The following MUC5AC variants were observed in gnomAD, a reference collection of about 807,000 sequenced individuals.
MUC5AC encodes mucin 5AC, oligomeric mucus/gel-forming.
Under a neutral mutation model 169.7 loss-of-function variants are expected in MUC5AC, and 158 were observed. The observed-to-expected ratio is 0.93, with a 90% CI of 0.82 to 1.06. The LOEUF (loss-of-function observed/expected upper bound fraction) is 1.06, where lower values mean the gene tolerates loss of function less well. Ranked by LOEUF, MUC5AC falls within the 50% of genes least tolerant of loss-of-function variation. The pLI is 0.00. For synonymous variants in MUC5AC, 1,975 were observed against 1,237.0 expected (o/e 1.60, Z -12.52); for missense variants, 4,359 against 3,089.9 (o/e 1.41, Z -9.74).
chr11:1,170,788 TTCAC>T (rs1293822633), intron 15 of MUC5AC, among the ~76,000 whole-genome samples: 5 of 42,964 alleles, frequency 1.2e-4, no homozygotes, highest in Non-Finnish European at 1.9e-4. Context: ...CACTCACCTA[TTCAC>T]TCACTCACTC....
rs1860789134 is a variant in MUC5AC at position 1,180,429 on chromosome 11, C to A, written c.3689C>A (p.Thr1230Asn). 3 of 398,750 alleles carry A rather than the reference C, an allele frequency of 7.5e-6. No individual in the cohort carries two copies. Among genetic ancestry groups the A allele is most frequent in the Non-Finnish European group, 8.8e-6 (2 of 226,216 alleles). 24.7% of individuals were successfully genotyped at this position (398,750 alleles called of 1,614,324 possible). Residue 1230 changes from threonine (T) to asparagine (N), a missense_variant, in exon 28 of 49, where the codon ACC (threonine) becomes AAC (asparagine). Physicochemically the swap from Thr to Asn is moderately conservative, Grantham distance 65. Coordinates refer to ENST00000621226, the MANE Select transcript of MUC5AC (RefSeq NM_001304359.2). ...DKMQCVATCP[T>N]PPLPPRCHVH... The stretch of plus-strand genomic sequence containing the variant: ...ATGCAGTGTGTGGCCACCTGCCCAA[C>A]CCCGCCTCTGCCACCACGGTGCCAC...
intron 3 of MUC5AC, 84 bp downstream of exon 3, chr11:1,161,670 AG>A: frequency 6.8e-7 from 1 of 1,470,086 alleles, no homozygotes; most frequent in Non-Finnish European, 9.2e-7. Context: ...CCGGGTGGAG[AG>A]GGGCCCCAGC....
intron 26 of MUC5AC, 101 bp downstream of exon 26, chr11:1,179,349 A>T: frequency 2.1e-6 from 1 of 467,866 alleles, no homozygotes; most frequent in South Asian, 4.5e-5. Context: ...CGGGTGGGGA[A>T]GGTTTCCAAA....
Position 1,200,514 on chromosome 11 carries a change from A to G in MUC5AC, c.16777A>G (p.Thr5593Ala), listed in dbSNP as rs1333730341. 1.3e-6 allele frequency: 1 copy of G among 757,952 alleles called. No individual in the cohort carries two copies. Among genetic ancestry groups the G allele is most frequent in the Non-Finnish European group, 2.4e-6 (1 of 414,758 alleles). 47.0% of individuals were successfully genotyped at this position (757,952 alleles called of 1,614,324 possible). The change falls in exon 49 of 49, where the codon ACC becomes GCC. Residue 5593 changes from threonine to alanine, a missense_variant. Transcript: ENST00000621226. ...QELRTSLRNV[T>A]LHCTDGSSRA... The stretch of plus-strand genomic sequence containing the variant: ...GCTGCGGACCTCGCTGAGGAATGTG[A>G]CCCTGCACTGCACCGACGGCTCCAG...
intron 35 of MUC5AC, 24 bp from the exon 36 acceptor site, chr11:1,194,988 C>T: frequency 1.4e-6 from 1 of 706,582 alleles, no homozygotes; most frequent in South Asian, 1.5e-5. Context: ...GTCCAGCAGC[C>T]TGACCCCCAC....
At chr11:1,197,006 A>T (rs1299099443) in intron 40 of MUC5AC, 98 bp downstream of exon 40, 7 of 692,614 alleles carry the variant, frequency 1.0e-5, no homozygotes, top group African/African-American at 3.5e-5. Context: ...GGTGGGGCTC[A>T]GGGGTCGGGG....
rs983357014 is a variant in MUC5AC at position 1,176,646 on chromosome 11, C to T, written c.2635C>T (p.Arg879Trp). The change falls in exon 21 of 49, where the codon CGG becomes TGG. Residue 879 changes from arginine (R) to tryptophan (W), a missense_variant. Arg to Trp is a moderately radical substitution (Grantham distance 101). Coordinates refer to ENST00000621226, the MANE Select transcript of MUC5AC (RefSeq NM_001304359.2). ...EASYRAGQTI[R>W]VGCNTCTCDS... ...CAGCTACCGGGCCGGCCAGACCATC[C>T]GGGTGGGCTGCAACACCTGGTATGC... is the stretch of plus-strand genomic sequence containing the variant. The T allele has an allele frequency of 3.3e-5, 13 of 398,682 alleles. No individual in the cohort carries two copies. Among genetic ancestry groups the T allele is most frequent in the African/African-American group, 2.7e-4 (13 of 48,762 alleles). The allele number at this position is 398,682 out of a possible 1,614,324, so 24.7% of individuals were successfully genotyped here. A position where few individuals can be genotyped will look rare whatever the true frequency, so the allele number is the denominator to read the frequency against.
In MUC5AC at chr11:1,165,580, T is replaced by G. The variant is rs932720505; in HGVS notation, c.1248-42T>G. The G allele has an allele frequency of 5.6e-6, 9 of 1,608,016 alleles. No homozygotes were observed. The African/African-American group carries it at 9.4e-5, about 17-fold the overall frequency. On this transcript the variant is annotated intron_variant, in intron 10 of 48. Coordinates refer to ENST00000621226, the MANE Select transcript of MUC5AC (RefSeq NM_001304359.2). ...CTGACGCGGAGGCTGGAGGCTGGTC[T>G]CCTGGGGCCGGCACCCACGTGGCAC...
Position 1,196,641 on chromosome 11 carries a change from C to T in MUC5AC, c.15750C>T (p.Ile5250=). 1 of 762,746 alleles carries T rather than the reference C, an allele frequency of 1.3e-6. No individual in the cohort carries two copies. Among genetic ancestry groups the T allele is most frequent in the Middle Eastern group, 2.3e-4 (1 of 4,432 alleles). 47.2% of individuals were successfully genotyped at this position (762,746 alleles called of 1,614,324 possible). A position where few individuals can be genotyped will look rare whatever the true frequency, so the allele number is the denominator to read the frequency against. Residue 5250 remains isoleucine (I), a synonymous_variant, in exon 39 of 49, where the codon ATC becomes ATT. Transcript: ENST00000621226. ...SLGALPEAGP[I]TEGCFCPEGM... ...GGGCTCTGCCGGAGGCCGGCCCCAT[C>T]ACCGAAGGCTGCTTCTGTCCGGAGG... is the stretch of plus-strand genomic sequence containing the variant.
rs763699410 is a variant in MUC5AC at position 1,167,917 on chromosome 11, G to T, written c.1427G>T (p.Arg476Leu). Residue 476 changes from arginine (R) to leucine (L), a missense_variant, in exon 12 of 49, where the codon CGC becomes CTC. By Grantham distance (102) the Arg-to-Leu change is moderately radical. Transcript: ENST00000621226. ...GCCTTCACTGTACTGGCTGAGCTGC[G>T]CAGGTGCGGGCTGACGGACAGCGAG... ...SSAFTVLAEL[R>L]RCGLTDSETC... is the part of the protein sequence containing the mutation. The T allele has an allele frequency of 1.9e-6, 3 of 1,550,636 alleles. No individual in the cohort carries two copies. The highest frequency in any genetic ancestry group is 2.6e-6 in the Non-Finnish European group (3 of 1,147,172).
In MUC5AC at chr11:1,183,016, G is replaced by T; in HGVS notation, c.4871G>T (p.Cys1624Phe). ...TGTGAAAGTCCTCGAAGCGTGCAGT[G>T]CCGGGCAGAGAGCTTCCCCAACACG... Reference protein sequence around the residue: ...TFCESPRSVQCRAESFPNTPL... With the variant: ...TFCESPRSVQFRAESFPNTPL... Residue 1624 changes from cysteine to phenylalanine, a missense_variant, in exon 31 of 49, where the codon TGC becomes TTC. Transcript: ENST00000621226. 2.5e-6 allele frequency: 1 copy of T among 394,526 alleles called. No homozygotes were observed. Among genetic ancestry groups the T allele is most frequent in the Non-Finnish European group, 4.4e-6 (1 of 224,992 alleles). 24.4% of individuals were successfully genotyped at this position (394,526 alleles called of 1,614,324 possible).
At chr11:1,162,760 TC>T in intron 5 of MUC5AC, 114 bp downstream of exon 5, 1 of 1,081,338 alleles carries the variant, frequency 9.2e-7, no homozygotes, top group Non-Finnish European at 1.4e-6. Flanking sequence ...AGGGTCAGAC[TC>T]CACCCCACAC....
Position 1,192,471 on chromosome 11 carries a change from GC to G in MUC5AC, c.14327del (p.Ala4776ValfsTer128), listed in dbSNP as rs1424968985. The G allele has an allele frequency of 2.6e-6, 2 of 765,084 alleles. No homozygotes were observed. Among genetic ancestry groups the G allele is most frequent in the Non-Finnish European group, 4.8e-6 (2 of 417,882 alleles). 47.4% of individuals were successfully genotyped at this position (765,084 alleles called of 1,614,324 possible). ...CAGCTCTGTGGCATCCAGCTCTGTGGCTTACTCCACCCAAACCTGCTTCTGC... is the reference window on the plus strand; with the variant it reads ...CAGCTCTGTGGCATCCAGCTCTGTGGTTACTCCACCCAAACCTGCTTCTGC... ...ASSSVASSSV[A>X]YSTQTCFCNV... On this transcript the variant is annotated frameshift_variant, in exon 31 of 49. Transcript: ENST00000621226. LOFTEE classifies it high-confidence loss of function.
In MUC5AC at chr11:1,192,510, C is replaced by T. The variant is rs778688668; in HGVS notation, c.14365C>T (p.Arg4789Trp). 3.5e-5 allele frequency: 27 copies of T among 764,732 alleles called. No individual in the cohort carries two copies. The highest frequency in any genetic ancestry group is 2.3e-4 in the South Asian group (17 of 74,622). The allele number at this position is 764,732 out of a possible 1,614,324, so 47.4% of individuals were successfully genotyped here. The change falls in exon 31 of 49, where the codon CGG becomes TGG. Residue 4789 changes from arginine (R) to tryptophan (W), a missense_variant. Coordinates refer to ENST00000621226, the MANE Select transcript of MUC5AC (RefSeq NM_001304359.2). ...TQTCFCNVAD[R>W]LYPAGSTIYR... The stretch of plus-strand genomic sequence containing the variant: ...AACCTGCTTCTGCAACGTGGCTGAC[C>T]GGCTCTACCCTGCAGGTTCGTGAGT...
At chr11:1,196,588 G>A (rs1324336387) in intron 38 of MUC5AC, 29 bp from the exon 39 acceptor site, 1 of 761,576 alleles carries the variant, frequency 1.3e-6, no homozygotes, top group South Asian at 1.3e-5. Context: ...AGGGAAAAAG[G>A]AGACCCACCA....
Position 1,197,936 on chromosome 11 carries a change from G to T in MUC5AC, c.16067G>T (p.Gly5356Val). The T allele has an allele frequency of 1.4e-6, 1 of 736,218 alleles. No homozygotes were observed. Among genetic ancestry groups the T allele is most frequent in the East Asian group, 2.5e-5 (1 of 39,938 alleles). 45.6% of individuals were successfully genotyped at this position (736,218 alleles called of 1,614,324 possible). The change falls in exon 42 of 49, where the codon GGC becomes GTC. Residue 5356 changes from glycine to valine, a missense_variant. Coordinates refer to ENST00000621226, the MANE Select transcript of MUC5AC (RefSeq NM_001304359.2). Reference protein sequence around the residue: ...CNTSRCPAPVGCPEGARAIPT... With the variant: ...CNTSRCPAPVVCPEGARAIPT... ...ACCAGCCGCTGCCCCGCGCCCGTGG[G>T]CTGTCCTGAGGGCGCCCGCGCGATC... is the stretch of plus-strand genomic sequence containing the variant.
chr11:1,200,207 C>A (rs1382462193), intron 48 of MUC5AC, among the ~76,000 whole-genome samples: 1 of 152,242 alleles, frequency 6.6e-6, no homozygotes, highest in Non-Finnish European at 1.5e-5. Context: ...CAGGAACTTG[C>A]CGCAGCCGCC....
rs1234773178 is a variant in MUC5AC at position 1,191,490 on chromosome 11, A to G, written c.13345A>G (p.Thr4449Ala). The change falls in exon 31 of 49, where the codon ACA becomes GCA. Residue 4449 changes from threonine to alanine, a missense_variant. Transcript: ENST00000621226. ...TTPSPVPTTS[T>A]TSASTTSTIS... is the part of the protein sequence containing the mutation. ...TCCCAGCCCTGTTCCCACCACAAGC[A>G]CAACCTCTGCTTCTACAACCAGCAC... The G allele has an allele frequency of 9.3e-6, 6 of 645,544 alleles. No homozygotes were observed. The highest frequency in any genetic ancestry group is 5.1e-4 in the Middle Eastern group (2 of 3,888). 40.0% of individuals were successfully genotyped at this position (645,544 alleles called of 1,614,324 possible). A position where few individuals can be genotyped will look rare whatever the true frequency, so the allele number is the denominator to read the frequency against.
chr11:1,177,362 G>A lies in MUC5AC; in HGVS notation c.2907+18G>A. 1 of 429,970 alleles carries A rather than the reference G, an allele frequency of 2.3e-6. No individual in the cohort carries two copies. The highest frequency in any genetic ancestry group is 4.1e-6 in the Non-Finnish European group (1 of 242,920). The allele number at this position is 429,970 out of a possible 1,614,324, so 26.6% of individuals were successfully genotyped here. A position where few individuals can be genotyped will look rare whatever the true frequency, so the allele number is the denominator to read the frequency against. On this transcript the variant is annotated intron_variant, in intron 23 of 48. Coordinates refer to ENST00000621226, the MANE Select transcript of MUC5AC (RefSeq NM_001304359.2). ...TCCTGGGGGTGAGCGAGGCTGGGTG[G>A]TCGCATGCCCTCCAGGAGGCTCCCA...
Sources: allele counts gnomAD v4.1 joint callset (sites outside exome capture counted in the v4.1 genomes callset), GRCh38; gene constraint gnomAD v4.1.1; transcripts MANE v1.5; gene names NCBI Gene and HGNC (gene_info 2026-07-23, HGNC 2026-07-21).